The following PTPRD variants were observed in gnomAD, a reference collection of about 807,000 sequenced individuals.
PTPRD encodes protein tyrosine phosphatase receptor type D.
Under a neutral mutation model 214.5 loss-of-function variants are expected in PTPRD, and 34 were observed. The observed-to-expected ratio is 0.16, with a 90% CI of 0.12 to 0.21. PTPRD has a LOEUF of 0.21. PTPRD is among the 10% of genes least tolerant of loss of function. The pLI, the probability that PTPRD is intolerant of heterozygous loss-of-function variation, is 1.00. For synonymous variants in PTPRD, 1,128 were observed against 845.7 expected (o/e 1.33, Z -5.79); for missense variants, 2,545 against 2,398.7 (o/e 1.06, Z -1.27).
At chr9:9,962,997 A>G (rs2094462017) in intron 4 of PTPRD, among the ~76,000 whole-genome samples, 2 of 152,038 alleles carry the variant, frequency 1.3e-5, no homozygotes, top group African/African-American at 2.4e-5. Flanking sequence ...GTAGTACTTT[A>G]TATAGTTACA....
intron 3 of PTPRD, among the ~76,000 whole-genome samples, chr9:10,141,330 A>G (rs1382442597): frequency 6.6e-6 from 1 of 152,174 alleles, no homozygotes; most frequent in Non-Finnish European, 1.5e-5. Context: ...TGCAGACGAC[A>G]TGATTGTATA....
chr9:10,045,520 G>C (rs2097372139), intron 3 of PTPRD, among the ~76,000 whole-genome samples: 1 of 151,558 alleles, frequency 6.6e-6, no homozygotes, highest in Admixed American at 6.6e-5. Context: ...TAAACAATAA[G>C]ATATTTTTTA....
At chr9:8,904,739 C>T (rs764565464) in intron 11 of PTPRD, among the ~76,000 whole-genome samples, 4 of 150,670 alleles carry the variant, frequency 2.7e-5, no homozygotes, top group African/African-American at 4.9e-5. Context: ...AACACATAAT[C>T]GTATATTACT....
rs1029444866 is a variant in PTPRD, at chr9:10,338,404, A to G, written c.-545+2559T>C. 3.9e-5 allele frequency among the ~76,000 whole-genome samples: 6 copies of G among 151,902 alleles called. No homozygotes were observed. In the South Asian group the frequency reaches 1.2e-3, roughly 31 times the overall value. Reference sequence around the variant, plus strand: ...CTGATAGTCCTTCCACACGCAGACAAATGAAACTGACAAAAGACCTGTCAG... The same window carrying G: ...CTGATAGTCCTTCCACACGCAGACAGATGAAACTGACAAAAGACCTGTCAG... On this transcript the variant is annotated intron_variant, in intron 3 of 45. Coordinates refer to ENST00000381196, the MANE Select transcript of PTPRD (RefSeq NM_002839.4).
At chr9:8,555,369 T>G (rs1054306655) in intron 14 of PTPRD, among the ~76,000 whole-genome samples, 7 of 152,164 alleles carry the variant, frequency 4.6e-5, no homozygotes, top group Admixed American at 1.3e-4. Flanking sequence ...ACTGCGCCAC[T>G]GCACTCCAGC....
chr9:9,025,032 T>A (rs979005460), intron 10 of PTPRD, among the ~76,000 whole-genome samples: 1 of 152,034 alleles, frequency 6.6e-6, no homozygotes, highest in Non-Finnish European at 1.5e-5. Flanking sequence ...AATGTTGCAT[T>A]CAGTTTATCG....
chr9:9,638,601 G>A (rs78311687), intron 7 of PTPRD, among the ~76,000 whole-genome samples: 2,300 of 152,208 alleles, frequency 0.015, 53 homozygotes, highest in African/African-American at 0.053. Context: ...TCATAGCAAA[G>A]TAGACTTCTT....
chr9:10,247,718 T>A (rs2092315919), intron 3 of PTPRD, among the ~76,000 whole-genome samples: 1 of 152,154 alleles, frequency 6.6e-6, no homozygotes, highest in South Asian at 2.1e-4. Context: ...TCATTTTGGC[T>A]GACTTCCCTG....
intron 12 of PTPRD, among the ~76,000 whole-genome samples, chr9:8,653,864 T>C (rs568716495): frequency 1.3e-5 from 2 of 152,340 alleles, no homozygotes; most frequent in Admixed American, 6.5e-5. Context: ...ATTGCTTCAC[T>C]TGTGCTCTTG....
chr9:9,381,292 C>T (rs1003512559), intron 9 of PTPRD, among the ~76,000 whole-genome samples: 4 of 151,080 alleles, frequency 2.6e-5, no homozygotes, highest in East Asian at 3.9e-4. Flanking sequence ...CTTTTACTGC[C>T]TTGAGTAGTT....
At chr9:10,602,351 T>C (rs2078193578) in intron 2 of PTPRD, among the ~76,000 whole-genome samples, 1 of 151,830 alleles carries the variant, frequency 6.6e-6, no homozygotes, top group South Asian at 2.1e-4. Context: ...TTTCAATCAA[T>C]ACACAGGCAG....
At chr9:8,737,110 C>T (rs1389675033) in intron 11 of PTPRD, among the ~76,000 whole-genome samples, 4 of 152,218 alleles carry the variant, frequency 2.6e-5, no homozygotes, top group African/African-American at 9.6e-5. Context: ...AGTGATTTGG[C>T]TTTTCCTCCT....
chr9:9,147,057 T>C (rs988179951), intron 10 of PTPRD, among the ~76,000 whole-genome samples: 4 of 152,242 alleles, frequency 2.6e-5, no homozygotes, highest in African/African-American at 9.6e-5. Flanking sequence ...TACCACCAAA[T>C]TGGAATAATA....
intron 3 of PTPRD, among the ~76,000 whole-genome samples, chr9:10,160,876 A>T (rs754519572): frequency 4.6e-5 from 7 of 151,934 alleles, no homozygotes; most frequent in Non-Finnish European, 7.4e-5. Context: ...TACAGTTGGA[A>T]GATACGGAAT....
At position 10,175,957 on chromosome 9, in the gene PTPRD, G is replaced by A. The variant is rs560016754; in HGVS notation, c.-544-142167C>T. ...CCAACATCTTTTTGTACTTTTGGCTGCAAAGTAGAGTAACAATAGACATAA... is the reference window on the plus strand; with the variant it reads ...CCAACATCTTTTTGTACTTTTGGCTACAAAGTAGAGTAACAATAGACATAA... On this transcript the variant is annotated intron_variant, in intron 3 of 45. Transcript: ENST00000381196. Among the ~76,000 whole-genome samples, 4 of 152,076 alleles carry A rather than the reference G, an allele frequency of 2.6e-5. No individual in the cohort carries two copies. In the South Asian group the frequency reaches 8.3e-4, roughly 32 times the overall value.
intron 9 of PTPRD, among the ~76,000 whole-genome samples, chr9:9,370,187 T>C (rs1249061869): frequency 1.3e-5 from 2 of 152,154 alleles, no homozygotes; most frequent in African/African-American, 2.4e-5. Context: ...ATTGAATCTA[T>C]AAATTACTTT....
intron 9 of PTPRD, among the ~76,000 whole-genome samples, chr9:9,184,543 T>C (rs1168768802): frequency 6.6e-6 from 1 of 152,078 alleles, no homozygotes; most frequent in African/African-American, 2.4e-5. Flanking sequence ...TAGATGAGCA[T>C]TCGTCACCTC....
chr9:9,212,495 A>G (rs1233167174), intron 9 of PTPRD, among the ~76,000 whole-genome samples: 1 of 152,170 alleles, frequency 6.6e-6, no homozygotes, highest in African/African-American at 2.4e-5. Flanking sequence ...ATATTACTGC[A>G]AAAACACTTT....
chr9:9,058,474 G>A (rs1160742900), intron 10 of PTPRD, among the ~76,000 whole-genome samples: 6 of 25,020 alleles, frequency 2.4e-4, no homozygotes, highest in African/African-American at 3.0e-4. Context: ...TTTTTGAGAC[G>A]GAGTCTCGCT....
Sources: allele counts gnomAD v4.1 joint callset (sites outside exome capture counted in the v4.1 genomes callset), GRCh38; gene constraint gnomAD v4.1.1; transcripts MANE v1.5; gene names NCBI Gene and HGNC (gene_info 2026-07-23, HGNC 2026-07-21).